CACNA1A: variants seen among roughly 807,000 people sequenced by gnomAD.
CACNA1A encodes the protein calcium voltage-gated channel subunit alpha1 A, also known as voltage-dependent P/Q-type calcium channel subunit alpha-1A.
CACNA1A carries 57 observed loss-of-function variants against 262.4 expected under a neutral mutation model. That is an observed-to-expected ratio of 0.22 (90% CI 0.18 to 0.27). CACNA1A has a LOEUF of 0.27. Among genes scored for constraint, CACNA1A ranks in the 10% least tolerant of loss-of-function variants. The pLI, the probability that CACNA1A is intolerant of heterozygous loss-of-function variation, is 1.00. For synonymous variants in CACNA1A, 1,431 were observed against 1,419.3 expected, an observed-to-expected ratio of 1.01 and a Z score of -0.18; for missense variants, 2,526 against 3,562.8, an observed-to-expected ratio of 0.71 and a Z score of 7.41.
In CACNA1A at chr19:13,207,864, GC is replaced by G; in HGVS notation, c.6969del (p.Gln2323HisfsTer285). The G allele has an allele frequency of 3.2e-6, 1 of 316,384 alleles. No individual in the cohort carries two copies. 19.6% of individuals were successfully genotyped at this position (316,384 alleles called of 1,614,324 possible). A position where few individuals can be genotyped will look rare whatever the true frequency, so the allele number is the denominator to read the frequency against. ...QQQQQQQQQQ[Q>X]QQAVARPGRA... The stretch of plus-strand genomic sequence containing the variant: ...CGGCCCGGCCTGGCCACCGCCTGCT[GC>G]TGCTGCTGCTGCTGCTGCTGCTGCT... On this transcript the variant is annotated frameshift_variant, in exon 47 of 47. Transcript: ENST00000360228. LOFTEE classifies it low-confidence loss of function (END_TRUNC). The surrounding 1 kb of genome is among the most constrained non-coding windows in gnomAD (Gnocchi z 5.7).
intron 34 of CACNA1A, among the ~76,000 whole-genome samples, chr19:13,232,163 T>G (rs2055686223): frequency 1.3e-5 from 2 of 151,856 alleles, no homozygotes; most frequent in East Asian, 3.9e-4. Flanking sequence ...TTTCTTTTCC[T>G]TCTCTCTCTC....
intron 1 of CACNA1A, among the ~76,000 whole-genome samples, chr19:13,497,564 ATATATATATATAT>A (rs1568710008): frequency 0.023 from 875 of 38,770 alleles, 208 homozygotes; most frequent in Non-Finnish European, 0.027. Context: ...ATATATATAT[ATATATATATATAT>A]ATAAATTTAT....
At chr19:13,219,301 C>T (rs540481980) in intron 38 of CACNA1A, among the ~76,000 whole-genome samples, 1 of 152,152 alleles carries the variant, frequency 6.6e-6, no homozygotes, top group South Asian at 2.1e-4. Flanking sequence ...CTCGCCCTCC[C>T]AAAGTGCTGG....
At chr19:13,272,258 T>C (rs1467323409) in intron 24 of CACNA1A, 10 of 152,210 alleles carry the variant, frequency 6.6e-5, no homozygotes, top group Admixed American at 6.5e-4. Flanking sequence ...AGGTAAGCAT[T>C]GTGTGTGGAC....
At chr19:13,249,592 C>A (rs959015920) in intron 30 of CACNA1A, among the ~76,000 whole-genome samples, 1 of 152,066 alleles carries the variant, frequency 6.6e-6, no homozygotes, top group Non-Finnish European at 1.5e-5. Context: ...TGGGCTCAAG[C>A]GATCCACCTG....
At chr19:13,389,815 T>C (rs1480592653) in intron 3 of CACNA1A, among the ~76,000 whole-genome samples, 2 of 151,966 alleles carry the variant, frequency 1.3e-5, no homozygotes, top group African/African-American at 2.4e-5. Flanking sequence ...TTATTATTTA[T>C]TTATTTATTT....
chr19:13,439,566 AT>A (rs201258979), intron 3 of CACNA1A, among the ~76,000 whole-genome samples: 5,985 of 138,778 alleles, frequency 0.043, 204 homozygotes, highest in East Asian at 0.23. Context: ...TGCCTGGCTA[AT>A]TTTTTTTTTT....
chr19:13,254,690 G>A (rs1301204836), intron 29 of CACNA1A, among the ~76,000 whole-genome samples: 2 of 152,146 alleles, frequency 1.3e-5, no homozygotes, highest in Admixed American at 1.3e-4. Context: ...AACATTTATA[G>A]AGAGCTTCTT....
At chr19:13,404,460 T>TC (rs1406033109) in intron 3 of CACNA1A, among the ~76,000 whole-genome samples, 1 of 152,184 alleles carries the variant, frequency 6.6e-6, no homozygotes, top group Non-Finnish European at 1.5e-5. Flanking sequence ...TGTTGCTTTT[T>TC]CAACAACAGC....
At position 13,259,641 on chromosome 19, in the gene CACNA1A, C is replaced by T. The variant is rs572036869; in HGVS notation, c.4311G>A (p.Lys1437=). 436 of 1,610,764 alleles carry T rather than the reference C, an allele frequency of 2.7e-4. 1 individual carries two copies. The highest frequency in any genetic ancestry group is 7.0e-4 in the Admixed American group (42 of 59,610). Residue 1437 remains lysine (K), a synonymous_variant, in exon 27 of 47, where the codon AAG becomes AAA. Coordinates refer to ENST00000360228, the MANE Select transcript of CACNA1A (RefSeq NM_001127222.2). Reference sequence around the variant, plus strand: ...GCACATTGTCGTAATGGAATTCATACTTCTTCCACTCCCGGTCTCGCGCCT... The same window carrying T: ...GCACATTGTCGTAATGGAATTCATATTTCTTCCACTCCCGGTCTCGCGCCT... ...EVKARDREWK[K]YEFHYDNVLW...
At chr19:13,359,951 G>T (rs562855811) in intron 5 of CACNA1A, among the ~76,000 whole-genome samples, 152 bp from the exon 6 acceptor site, 9 of 151,744 alleles carry the variant, frequency 5.9e-5, no homozygotes, top group South Asian at 2.1e-4. Flanking sequence ...TGGCTTTGGG[G>T]GTCTATTATT....
At chr19:13,386,350 G>A (rs1869224372) in intron 3 of CACNA1A, among the ~76,000 whole-genome samples, 1 of 152,158 alleles carries the variant, frequency 6.6e-6, no homozygotes, top group Non-Finnish European at 1.5e-5. Flanking sequence ...GGATCTGGGT[G>A]AAAAATCTGC....
rs995550991 is a variant in CACNA1A at position 13,496,790 on chromosome 19, T to C, written c.293+9142A>G. Among the ~76,000 whole-genome samples, 8 of 152,220 alleles carry C rather than the reference T, an allele frequency of 5.3e-5. No homozygotes were observed. In the East Asian group the frequency reaches 1.5e-3, roughly 29 times the overall value. On this transcript the variant is annotated intron_variant, in intron 1 of 46. Transcript: ENST00000360228. ...AGAAGCCCAAATATGGCCACCCACATAAGTCCATCCATCTATCCACTCTTC... is the reference window on the plus strand; with the variant it reads ...AGAAGCCCAAATATGGCCACCCACACAAGTCCATCCATCTATCCACTCTTC...
chr19:13,333,025 G>GTCACCATCAGTCAGC, intron 8 of CACNA1A, 100 bp from the exon 9 acceptor site: 2 of 877,660 alleles, frequency 2.3e-6, no homozygotes, highest in Non-Finnish European at 3.7e-6. Flanking sequence ...ATTCTCTGCT[G>GTCACCATCAGTCAGC]ACTGATGGTG....
chr19:13,503,098 G>A (rs1334985960), intron 1 of CACNA1A, among the ~76,000 whole-genome samples: 5 of 152,092 alleles, frequency 3.3e-5, no homozygotes, highest in Admixed American at 6.6e-5. Flanking sequence ...GTTCCCAGTG[G>A]CACAAACAGA....
At chr19:13,419,160 G>A (rs964764906) in intron 3 of CACNA1A, among the ~76,000 whole-genome samples, 4 of 152,256 alleles carry the variant, frequency 2.6e-5, no homozygotes, top group East Asian at 3.9e-4. Context: ...GTGAGCCACC[G>A]TGCCCGGCCT....
intron 1 of CACNA1A, among the ~76,000 whole-genome samples, chr19:13,468,328 C>T (rs947656061): frequency 2.0e-5 from 3 of 152,046 alleles, no homozygotes; most frequent in African/African-American, 4.8e-5. Flanking sequence ...GGTGTGAGGT[C>T]TCTGTCTCCT....
intron 3 of CACNA1A, among the ~76,000 whole-genome samples, chr19:13,399,434 GAA>G (rs79173387): frequency 0.071 from 9,837 of 139,208 alleles, 835 homozygotes; most frequent in African/African-American, 0.2. Flanking sequence ...GAGAGAAAAG[GAA>G]AAAAAAAAAA....
chr19:13,423,686 A>ATT (rs3054395), intron 3 of CACNA1A, among the ~76,000 whole-genome samples: 40 of 149,808 alleles, frequency 2.7e-4, no homozygotes, highest in African/African-American at 9.1e-4. Context: ...TAATTTTTGT[A>ATT]TTTTTTTTTG....
Sources: gnomAD v4.1 joint callset for allele counts (sites outside exome capture counted in the v4.1 genomes callset) on GRCh38, gnomAD v4.1.1 for gene constraint, Gnocchi (gnomAD v3.1) non-coding constraint, MANE v1.5 for transcripts, NCBI Gene and HGNC (gene_info 2026-07-23, HGNC 2026-07-21) for gene names.